AP2M1: variants seen among roughly 807,000 people sequenced by gnomAD.
AP2M1 encodes AP-2 complex subunit mu.
Under a neutral mutation model 54.5 loss-of-function variants are expected in AP2M1, and 5 were observed. The ratio of observed to expected loss-of-function variants is 0.09; its 90% CI spans 0.05 to 0.19. The LOEUF is 0.19. Among genes scored for constraint, AP2M1 ranks in the 10% least tolerant of loss-of-function variants. The pLI is 1.00. For synonymous variants in AP2M1, 186 were observed against 208.2 expected (o/e 0.89, Z 0.92); for missense variants, 178 against 580.2 (o/e 0.31, Z 7.12).
chr3:184,177,423 C>G (rs1156672640), intron 2 of AP2M1: 2 of 921,714 alleles, frequency 2.2e-6, no homozygotes, highest in African/African-American at 3.3e-5. Context: ...AGTGGCCACG[C>G]TGGAGGCACT....
chr3:184,182,892 G>T lies in AP2M1; in HGVS notation c.1173+24G>T, dbSNP rs843366. The T allele has an allele frequency of 6.3e-7, 1 of 1,596,396 alleles. No homozygotes were observed. On this transcript the variant is annotated intron_variant, in intron 11 of 11. Coordinates refer to ENST00000292807, the MANE Select transcript of AP2M1 (RefSeq NM_004068.4). This position sits in a 1 kb window ranked among gnomAD's most constrained non-coding sequence, Gnocchi z 5.5. ...AGGTATGGCAGAGGAGGGGCCTAGAGTCATGCCAGGGTATGCTGGAAGACC... is the reference window on the plus strand; with the variant it reads ...AGGTATGGCAGAGGAGGGGCCTAGATTCATGCCAGGGTATGCTGGAAGACC...
intron 1 of AP2M1, 114 bp downstream of exon 1, chr3:184,175,073 G>A (rs967771396): frequency 4.3e-5 from 17 of 396,916 alleles, no homozygotes; most frequent in Non-Finnish European, 6.7e-5. Flanking sequence ...CCACACCCGG[G>A]AGTGGCTTCA....
chr3:184,182,986 T>C lies in AP2M1; in HGVS notation c.1173+118T>C, dbSNP rs1030332157. The stretch of plus-strand genomic sequence containing the variant: ...GAAACTGAGGCCTAGAAAGAAGAAC[T>C]GGCTTTAATTCATAGATCCATTCTT... On this transcript the variant is annotated intron_variant, in intron 11 of 11. Transcript: ENST00000292807. The surrounding 1 kb of genome is among the most constrained non-coding windows in gnomAD (Gnocchi z 5.5). The C allele has an allele frequency of 7.1e-6, 6 of 843,360 alleles. No individual in the cohort carries two copies. The African/African-American group carries it at 1.0e-4, about 14-fold the overall frequency. The allele number at this position is 843,360 out of a possible 1,614,324, so 52.2% of individuals were successfully genotyped here.
At chr3:184,176,917 A>C in intron 1 of AP2M1, 34 bp from the exon 2 acceptor site, 1 of 1,470,342 alleles carries the variant, frequency 6.8e-7, no homozygotes. Context: ...AGCGATTCTG[A>C]GGTCTTCTTT....
chr3:184,179,815 C>T (rs1715212328), intron 3 of AP2M1, among the ~76,000 whole-genome samples: 1 of 152,006 alleles, frequency 6.6e-6, no homozygotes, highest in African/African-American at 2.4e-5. Context: ...CACATGCCAC[C>T]ATGCTTGGCT....
In AP2M1 at chr3:184,180,494, G is replaced by C. The variant is rs192171654; in HGVS notation, c.424-151G>C. The C allele has an allele frequency of 2.3e-4, 293 of 1,268,422 alleles. 1 individual carries two copies. In the African/African-American group the frequency reaches 3.5e-3, roughly 15 times the overall value. 78.6% of individuals were successfully genotyped at this position (1,268,422 alleles called of 1,614,324 possible). A position where few individuals can be genotyped will look rare whatever the true frequency, so the allele number is the denominator to read the frequency against. Reference sequence around the variant, plus strand: ...GCAGTTTCCTTTTGCACTGAGGGGTGGGGGAGGAGGCCTGGTCTTGAGGCC... The same window carrying C: ...GCAGTTTCCTTTTGCACTGAGGGGTCGGGGAGGAGGCCTGGTCTTGAGGCC... On this transcript the variant is annotated intron_variant, in intron 4 of 11. Coordinates refer to ENST00000292807, the MANE Select transcript of AP2M1 (RefSeq NM_004068.4). This position sits in a 1 kb window ranked among gnomAD's most constrained non-coding sequence, Gnocchi z 4.9.
chr3:184,180,750 T>C lies in AP2M1; in HGVS notation c.430-99T>C. 6.2e-7 allele frequency: 1 copy of C among 1,614,020 alleles called. No individual in the cohort carries two copies. The highest frequency in any genetic ancestry group is 8.5e-7 in the Non-Finnish European group (1 of 1,179,928). Reference sequence around the variant, plus strand: ...GGGAAAATGGATTACAGGTGGGGACTAGAAGGGATGGGGAATGAGGGTGGA... The same window carrying C: ...GGGAAAATGGATTACAGGTGGGGACCAGAAGGGATGGGGAATGAGGGTGGA... On this transcript the variant is annotated intron_variant, in intron 5 of 11. Coordinates refer to ENST00000292807, the MANE Select transcript of AP2M1 (RefSeq NM_004068.4). This position sits in a 1 kb window ranked among gnomAD's most constrained non-coding sequence, Gnocchi z 4.9.
chr3:184,176,746 ATCTC>A (rs982281669), intron 1 of AP2M1: 7 of 492,244 alleles, frequency 1.4e-5, no homozygotes, highest in Middle Eastern at 5.1e-4. Context: ...CCTGGGCCTA[ATCTC>A]TCTCTGTTTC....
At position 184,178,355 on chromosome 3, in the gene AP2M1, C is replaced by T; in HGVS notation, c.75-502C>T. 2.5e-6 allele frequency: 3 copies of T among 1,189,868 alleles called. No individual in the cohort carries two copies. The highest frequency in any genetic ancestry group is 3.6e-6 in the Non-Finnish European group (3 of 831,180). 73.7% of individuals were successfully genotyped at this position (1,189,868 alleles called of 1,614,324 possible). On this transcript the variant is annotated intron_variant, in intron 2 of 11. Transcript: ENST00000292807. The surrounding 1 kb of genome is among the most constrained non-coding windows in gnomAD (Gnocchi z 4.9). ...CTGGGCAAGAATGGGTAGCACAATT[C>T]CATGGCCCCTTGGTACTTCTCCCTC...
Position 184,181,437 on chromosome 3 carries a change from A to G in AP2M1, c.707+211A>G. ...CAAGCCCCTTTGTTTGGTCCCTAGG[A>G]CCAAGGCCTTTTCTGTACATACTGA... On this transcript the variant is annotated intron_variant, in intron 7 of 11. Transcript: ENST00000292807. The surrounding 1 kb of genome is among the most constrained non-coding windows in gnomAD (Gnocchi z 5.7). 1.2e-6 allele frequency: 1 copy of G among 862,910 alleles called. No individual in the cohort carries two copies. Among genetic ancestry groups the G allele is most frequent in the South Asian group, 1.8e-5 (1 of 55,868 alleles). The allele number at this position is 862,910 out of a possible 1,614,324, so 53.5% of individuals were successfully genotyped here. A position where few individuals can be genotyped will look rare whatever the true frequency, so the allele number is the denominator to read the frequency against.
chr3:184,180,412 T>G lies in AP2M1; in HGVS notation c.423+161T>G. 9.4e-7 allele frequency: 1 copy of G among 1,067,498 alleles called. No individual in the cohort carries two copies. Among genetic ancestry groups the G allele is most frequent in the South Asian group, 1.6e-5 (1 of 64,268 alleles). The allele number at this position is 1,067,498 out of a possible 1,614,324, so 66.1% of individuals were successfully genotyped here. A position where few individuals can be genotyped will look rare whatever the true frequency, so the allele number is the denominator to read the frequency against. ...TGCAGGCCGATTTTGCTCTGTGTGGTCCTCCCACTGCAGGAGCAGCCAATT... is the reference window on the plus strand; with the variant it reads ...TGCAGGCCGATTTTGCTCTGTGTGGGCCTCCCACTGCAGGAGCAGCCAATT... On this transcript the variant is annotated intron_variant, in intron 4 of 11. Coordinates refer to ENST00000292807, the MANE Select transcript of AP2M1 (RefSeq NM_004068.4). The surrounding 1 kb of genome is among the most constrained non-coding windows in gnomAD (Gnocchi z 4.9).
chr3:184,179,746 G>A (rs967142191), intron 3 of AP2M1, among the ~76,000 whole-genome samples: 2 of 146,782 alleles, frequency 1.4e-5, no homozygotes, highest in Admixed American at 7.0e-5. Context: ...CTGAAGCCTC[G>A]ACCTCCTAGG....
chr3:184,175,952 A>C (rs190000175), intron 1 of AP2M1, among the ~76,000 whole-genome samples: 256 of 152,364 alleles, frequency 1.7e-3, no homozygotes, highest in South Asian at 5.2e-3. Flanking sequence ...AGTCCTCTAA[A>C]GTACTCCCTG....
chr3:184,179,073 C>T lies in AP2M1; in HGVS notation c.291C>T (p.Ser97=), dbSNP rs763162356. The stretch of plus-strand genomic sequence containing the variant: ...TGGCTGCCTACTTTGGCAAGATCAG[C>T]GAGGAAAACATCAAGAACAATTTTG... ...DVMAAYFGKI[S]EENIKNNFVL... Residue 97 remains serine, a synonymous_variant, in exon 3 of 12, where the codon AGC becomes AGT. Coordinates refer to ENST00000292807, the MANE Select transcript of AP2M1 (RefSeq NM_004068.4). 7 of 1,614,032 alleles carry T rather than the reference C, an allele frequency of 4.3e-6. No individual in the cohort carries two copies. Among genetic ancestry groups the T allele is most frequent in the Middle Eastern group, 1.7e-4 (1 of 6,060 alleles).
chr3:184,180,722 TA>T lies in AP2M1; in HGVS notation c.429+73del, dbSNP rs772730089. On this transcript the variant is annotated intron_variant, in intron 5 of 11. Transcript: ENST00000292807. This position sits in a 1 kb window ranked among gnomAD's most constrained non-coding sequence, Gnocchi z 4.9. ...TCCAGGCCCTGCCCTTTGGGGCTTA[TA>T]GGGGAAAATGGATTACAGGTGGGGA... 1.1e-5 allele frequency: 18 copies of T among 1,613,998 alleles called. No homozygotes were observed. The highest frequency in any genetic ancestry group is 1.4e-5 in the Non-Finnish European group (16 of 1,179,890).
intron 1 of AP2M1, 80 bp from the exon 2 acceptor site, chr3:184,176,871 T>C: frequency 2.1e-6 from 2 of 975,570 alleles, no homozygotes; most frequent in Non-Finnish European, 2.9e-6. Flanking sequence ...GGAAAGAAGC[T>C]CCAGTGACCT....
chr3:184,178,103 C>T lies in AP2M1; in HGVS notation c.75-754C>T, dbSNP rs895605695. On this transcript the variant is annotated intron_variant, in intron 2 of 11. Coordinates refer to ENST00000292807, the MANE Select transcript of AP2M1 (RefSeq NM_004068.4). This position sits in a 1 kb window ranked among gnomAD's most constrained non-coding sequence, Gnocchi z 4.9. Reference sequence around the variant, plus strand: ...TTGCCTGTCTTGTCTGCTTCTGCCTCACGGTGTGTGCCGCCCTCCCGGTGT... The same window carrying T: ...TTGCCTGTCTTGTCTGCTTCTGCCTTACGGTGTGTGCCGCCCTCCCGGTGT... 1.5e-6 allele frequency: 2 copies of T among 1,309,484 alleles called. No individual in the cohort carries two copies. The highest frequency in any genetic ancestry group is 2.5e-5 in the East Asian group (1 of 39,712). 81.1% of individuals were successfully genotyped at this position (1,309,484 alleles called of 1,614,324 possible). A position where few individuals can be genotyped will look rare whatever the true frequency, so the allele number is the denominator to read the frequency against.
In AP2M1 at chr3:184,182,363, A is replaced by G; in HGVS notation, c.1061+115A>G. 1 of 1,144,284 alleles carries G rather than the reference A, an allele frequency of 8.7e-7. No homozygotes were observed. The highest frequency in any genetic ancestry group is 1.2e-6 in the Non-Finnish European group (1 of 811,516). The allele number at this position is 1,144,284 out of a possible 1,614,324, so 70.9% of individuals were successfully genotyped here. On this transcript the variant is annotated intron_variant, in intron 10 of 11. Transcript: ENST00000292807. This position sits in a 1 kb window ranked among gnomAD's most constrained non-coding sequence, Gnocchi z 5.5. ...GGGGAGTGTGCCTGTTTGCTTTTCT[A>G]GGAGCCTCTGCTTGTACTGTCAGTC...
chr3:184,177,596 GGGA>G, intron 2 of AP2M1: 1 of 1,535,992 alleles, frequency 6.5e-7, no homozygotes, highest in South Asian at 1.2e-5. Flanking sequence ...CCATTCCCTG[GGGA>G]GTGGCTGGAA....
Sources: gnomAD v4.1 joint callset for allele counts (sites outside exome capture counted in the v4.1 genomes callset) on GRCh38, gnomAD v4.1.1 for gene constraint, Gnocchi (gnomAD v3.1) non-coding constraint, MANE v1.5 for transcripts, NCBI Gene and HGNC (gene_info 2026-07-23, HGNC 2026-07-21) for gene names.